SSBP3: variants seen among roughly 807,000 people sequenced by gnomAD.
SSBP3 encodes single-stranded DNA-binding protein 3.
In SSBP3, 5 loss-of-function variants were observed where a neutral mutation model predicts 69.6. The ratio of observed to expected loss-of-function variants is 0.07; its 90% CI spans 0.04 to 0.15. SSBP3 has a LOEUF of 0.15. Among genes scored for constraint, SSBP3 ranks in the 10% least tolerant of loss-of-function variants. SSBP3 has a pLI of 1.00. For synonymous variants in SSBP3, 196 were observed against 193.4 expected (o/e 1.01, Z -0.11); for missense variants, 312 against 534.0 (o/e 0.58, Z 4.10).
chr1:54,361,737 G>T (rs1646955701), intron 4 of SSBP3, among the ~76,000 whole-genome samples: 1 of 152,114 alleles, frequency 6.6e-6, no homozygotes, highest in African/African-American at 2.4e-5. Context: ...GCAGACAGAT[G>T]TGACAACCAA....
intron 4 of SSBP3, among the ~76,000 whole-genome samples, chr1:54,376,047 C>A (rs765952770): frequency 4.6e-5 from 7 of 152,112 alleles, no homozygotes; most frequent in Non-Finnish European, 8.8e-5. Flanking sequence ...TGGCTTCCCC[C>A]ACTCCACAGT....
rs1374539736 is a variant in SSBP3 at position 54,406,172 on chromosome 1, G to A, written c.-164C>T. On this transcript the variant is annotated 5_prime_UTR_variant, in exon 1 of 18. Coordinates refer to ENST00000610401, the Ensembl canonical transcript of SSBP3. ...GCCGCGCTCCCCTCCCTCCCCCCCA[G>A]GCGCTGGCTCCGCGCTCTTTCCAGC... 9 of 472,834 alleles carry A rather than the reference G, an allele frequency of 1.9e-5. No individual in the cohort carries two copies. In the Admixed American group the frequency reaches 1.9e-4, roughly 10 times the overall value. 29.3% of individuals were successfully genotyped at this position (472,834 alleles called of 1,614,324 possible).
Position 54,258,261 on chromosome 1 carries a change from CGGGGGGGTGG to C in SSBP3, c.367-122_367-113del. 6.7e-6 allele frequency: 1 copy of C among 149,812 alleles called. No homozygotes were observed. The highest frequency in any genetic ancestry group is 1.3e-5 in the Non-Finnish European group (1 of 75,632). 9.3% of individuals were successfully genotyped at this position (149,812 alleles called of 1,614,324 possible). A position where few individuals can be genotyped will look rare whatever the true frequency, so the allele number is the denominator to read the frequency against. On this transcript the variant is annotated intron_variant, in intron 5 of 17. Transcript: ENST00000610401. The surrounding 1 kb of genome is among the most constrained non-coding windows in gnomAD (Gnocchi z 4.5). ...AAACGAAGGGTGGGCGGCGGGCGTG[CGGGGGGGTGG>C]GCTCTGGTTGGTGGGAGGTGGTGGA...
At chr1:54,295,092 C>A (rs1557505814) in intron 4 of SSBP3, among the ~76,000 whole-genome samples, 1 of 152,126 alleles carries the variant, frequency 6.6e-6, no homozygotes, top group East Asian at 1.9e-4. Context: ...TCACCCCCAG[C>A]CTCCCCTCCC....
intron 4 of SSBP3, among the ~76,000 whole-genome samples, chr1:54,381,194 C>T (rs1569999315): frequency 1.3e-5 from 2 of 152,046 alleles, no homozygotes; most frequent in South Asian, 4.2e-4. Flanking sequence ...ACCATCCTGG[C>T]CAACATGGTG....
intron 4 of SSBP3, among the ~76,000 whole-genome samples, chr1:54,384,167 G>C (rs991491623): frequency 6.6e-6 from 1 of 150,490 alleles, no homozygotes; most frequent in Admixed American, 6.6e-5. Context: ...CTTCTAGCCC[G>C]AGAGGCCTCA....
At chr1:54,391,037 C>T (rs1648453480) in intron 4 of SSBP3, among the ~76,000 whole-genome samples, 1 of 152,240 alleles carries the variant, frequency 6.6e-6, no homozygotes, top group Non-Finnish European at 1.5e-5. Context: ...CTGCAAAATT[C>T]CTAAAGGATG....
intron 4 of SSBP3, among the ~76,000 whole-genome samples, chr1:54,349,636 T>C (rs1438367724): frequency 1.3e-5 from 2 of 151,634 alleles, no homozygotes; most frequent in Admixed American, 6.6e-5. Flanking sequence ...GGTTTAGCCA[T>C]GCCACCTTAG....
chr1:54,267,904 A>T lies in SSBP3; in HGVS notation c.367-9755T>A, dbSNP rs77266106. ...CCCTGCACAGCCAGCTCTCTTTATT[A>T]AAAAAAAATTAAAGACAGGGTCTTG... On this transcript the variant is annotated intron_variant, in intron 5 of 17. Transcript: ENST00000610401. 5.3e-5 allele frequency among the ~76,000 whole-genome samples: 8 copies of T among 151,728 alleles called. No individual in the cohort carries two copies. The South Asian group carries it at 1.3e-3, about 24-fold the overall frequency.
intron 4 of SSBP3, among the ~76,000 whole-genome samples, chr1:54,302,635 C>T (rs1427170035): frequency 6.6e-6 from 1 of 152,156 alleles, no homozygotes; most frequent in African/African-American, 2.4e-5. Flanking sequence ...TCCATCATTG[C>T]CTCCCCAGTA....
intron 4 of SSBP3, among the ~76,000 whole-genome samples, chr1:54,294,284 T>A (rs777182005): frequency 2.0e-5 from 3 of 152,004 alleles, no homozygotes; most frequent in Non-Finnish European, 2.9e-5. Context: ...TTCCATTAAC[T>A]TACCATTTGG....
intron 9 of SSBP3, among the ~76,000 whole-genome samples, chr1:54,247,787 A>C (rs1369987670): frequency 1.3e-5 from 2 of 152,154 alleles, no homozygotes; most frequent in African/African-American, 4.8e-5. Context: ...ACTAAGTCCA[A>C]CCAGGAGCCC....
At chr1:54,398,717 C>T (rs1407900623) in intron 4 of SSBP3, among the ~76,000 whole-genome samples, 2 of 151,926 alleles carry the variant, frequency 1.3e-5, no homozygotes, top group African/African-American at 4.8e-5. Flanking sequence ...GACCGTGACC[C>T]TCCTCCCGTG....
chr1:54,265,958 C>T (rs1645094749), intron 5 of SSBP3, among the ~76,000 whole-genome samples: 3 of 152,252 alleles, frequency 2.0e-5, no homozygotes, highest in Admixed American at 2.0e-4. Flanking sequence ...TCAGTGAAGG[C>T]TCTGCTCACC....
rs144258550 is a variant in SSBP3, at chr1:54,372,222, G to A, written c.276+29639C>T. 1.1e-4 allele frequency among the ~76,000 whole-genome samples: 17 copies of A among 152,352 alleles called. No individual in the cohort carries two copies. In the East Asian group the frequency reaches 3.3e-3, roughly 29 times the overall value. On this transcript the variant is annotated intron_variant, in intron 4 of 17. Coordinates refer to ENST00000610401, the Ensembl canonical transcript of SSBP3. ...CCAACTGCAAAATGGGGTAATACCT[G>A]CCTTGCAGGGTTGGTCTGGAGGATT... is the stretch of plus-strand genomic sequence containing the variant.
intron 4 of SSBP3, among the ~76,000 whole-genome samples, chr1:54,378,720 G>C (rs1237982432): frequency 6.6e-6 from 1 of 152,212 alleles, no homozygotes; most frequent in African/African-American, 2.4e-5. Flanking sequence ...GAGGCCCGGG[G>C]CTGAGTTAAG....
At chr1:54,324,585 G>C (rs1430166126) in intron 4 of SSBP3, among the ~76,000 whole-genome samples, 1 of 152,204 alleles carries the variant, frequency 6.6e-6, no homozygotes, top group African/African-American at 2.4e-5. Flanking sequence ...ACCAAGGCTG[G>C]AGAGGCCGAG....
chr1:54,238,859 G>A (rs376993913), intron 14 of SSBP3: 12 of 404,672 alleles, frequency 3.0e-5, no homozygotes, highest in African/African-American at 1.5e-4. Flanking sequence ...CCACCAGCAC[G>A]GCAGGAGGTG....
At chr1:54,310,436 C>A (rs1483260134) in intron 4 of SSBP3, among the ~76,000 whole-genome samples, 1 of 152,154 alleles carries the variant, frequency 6.6e-6, no homozygotes, top group Non-Finnish European at 1.5e-5. Context: ...GTTGGGTACA[C>A]ATAAGAAAAG....
Sources: gnomAD v4.1 joint callset for allele counts (sites outside exome capture counted in the v4.1 genomes callset) on GRCh38, gnomAD v4.1.1 for gene constraint, Gnocchi (gnomAD v3.1) non-coding constraint, MANE v1.5 for transcripts, NCBI Gene and HGNC (gene_info 2026-07-23, HGNC 2026-07-21) for gene names.